Variants in SH2D3C observed in about 807,000 individuals in gnomAD.
SH2D3C encodes SH2 domain containing 3C.
SH2D3C carries 25 observed loss-of-function variants against 75.2 expected under a neutral mutation model. The observed-to-expected ratio is 0.33, with a 90% confidence interval of 0.24 to 0.46. The LOEUF (loss-of-function observed/expected upper bound fraction) is 0.46. SH2D3C is among the 20% of genes least tolerant of loss of function. The pLI is 1.00. For missense variants in SH2D3C, 933 were observed against 1,165.3 expected (o/e 0.80, Z 2.90); for synonymous variants, 450 against 473.7 (o/e 0.95, Z 0.65).
chr9:127,776,354 T>G (rs1431693120), intron 1 of SH2D3C, among the ~76,000 whole-genome samples: 1 of 150,648 alleles, frequency 6.6e-6, no homozygotes, highest in African/African-American at 2.5e-5. Context: ...AGCCAGCCTC[T>G]GTGCACCTGG....
chr9:127,744,688 TG>T lies in SH2D3C; in HGVS notation c.1675del (p.Gln559SerfsTer4). 1 of 1,614,240 alleles carries T rather than the reference TG, an allele frequency of 6.2e-7. No homozygotes were observed. The highest frequency in any genetic ancestry group is 1.3e-5 in the African/African-American group (1 of 75,076). On this transcript the variant is annotated frameshift_variant, in exon 7 of 12. Transcript: ENST00000314830. LOFTEE classifies it high-confidence loss of function. The stretch of plus-strand genomic sequence containing the variant: ...GTTATCCCTGGGGATCAGTAGTGAC[TG>T]GAAGGTGGCCGGGTTGAAGGAAGAA... ...VTSSFNPATF[Q>X]SLLIPRDNRP... is the part of the protein sequence containing the mutation.
intron 6 of SH2D3C, among the ~76,000 whole-genome samples, chr9:127,746,600 C>T (rs1340393585): frequency 4.6e-5 from 7 of 152,164 alleles, no homozygotes; most frequent in African/African-American, 9.6e-5. Flanking sequence ...GTCAGGAGTT[C>T]GAGACCACCC....
intron 1 of SH2D3C, among the ~76,000 whole-genome samples, chr9:127,778,313 T>C (rs1829073400): frequency 6.6e-6 from 1 of 151,180 alleles, no homozygotes; most frequent in Non-Finnish European, 1.5e-5. Flanking sequence ...AAAGATTTAA[T>C]TGTGCCTGGA....
At position 127,740,242 on chromosome 9, in the gene SH2D3C, C is replaced by T. The variant is rs370987071; in HGVS notation, c.2200+16G>A. 3.5e-5 allele frequency: 56 copies of T among 1,599,744 alleles called. No homozygotes were observed. The highest frequency in any genetic ancestry group is 4.6e-5 in the Non-Finnish European group (54 of 1,167,252). On this transcript the variant is annotated intron_variant, in intron 10 of 11. Coordinates refer to ENST00000314830, the MANE Select transcript of SH2D3C (RefSeq NM_170600.3). ...GAGGGCTGCAGCCTGTCCAAGGTCA[C>T]GCAACAAGGAAGTACCTTTGCCCTC...
In SH2D3C at chr9:127,754,031, C is replaced by G. The variant is rs892839380; in HGVS notation, c.556-2731G>C. Among the ~76,000 whole-genome samples, 2 of 152,168 alleles carry G rather than the reference C, an allele frequency of 1.3e-5. No homozygotes were observed. The highest frequency in any genetic ancestry group is 2.9e-5 in the Non-Finnish European group (2 of 68,008). On this transcript the variant is annotated intron_variant, in intron 3 of 11. Coordinates refer to ENST00000314830, the MANE Select transcript of SH2D3C (RefSeq NM_170600.3). The surrounding 1 kb of genome is among the most constrained non-coding windows in gnomAD (Gnocchi z 4.4). ...AGTTTGGGGGGACCAACTTGGTCCT[C>G]CCACACACCTGAGGGTGAGGAATCC...
rs1280220877 is a variant in SH2D3C at position 127,751,581 on chromosome 9, G to A, written c.556-281C>T. 6.6e-6 allele frequency among the ~76,000 whole-genome samples: 1 copy of A among 152,250 alleles called. No homozygotes were observed. The highest frequency in any genetic ancestry group is 1.5e-5 in the Non-Finnish European group (1 of 68,046). On this transcript the variant is annotated intron_variant, in intron 3 of 11. Coordinates refer to ENST00000314830, the MANE Select transcript of SH2D3C (RefSeq NM_170600.3). This position sits in a 1 kb window ranked among gnomAD's most constrained non-coding sequence, Gnocchi z 4.1. ...GCCCTCAAGGCAGTGCCTAGTCTGA[G>A]GAGAGGCAAAAGCAACAGGAGCCTC...
rs1845145793 is a variant in SH2D3C, at chr9:127,749,822, G to T, written c.685-157C>A. The stretch of plus-strand genomic sequence containing the variant: ...CAGAGACATCTGACATCTGAGAGCG[G>T]GGATGCAATGACCCAGGTTCACAGG... On this transcript the variant is annotated intron_variant, in intron 4 of 11. Coordinates refer to ENST00000314830, the MANE Select transcript of SH2D3C (RefSeq NM_170600.3). The surrounding 1 kb of genome is among the most constrained non-coding windows in gnomAD (Gnocchi z 5.9). Among the ~76,000 whole-genome samples, 1 of 152,268 alleles carries T rather than the reference G, an allele frequency of 6.6e-6. No individual in the cohort carries two copies.
At chr9:127,759,042 C>G (rs567686199) in intron 3 of SH2D3C, among the ~76,000 whole-genome samples, 16 of 152,346 alleles carry the variant, frequency 1.1e-4, no homozygotes, top group African/African-American at 3.4e-4. Context: ...CACGGGCTCA[C>G]TGAAGCCATA....
chr9:127,772,307 G>A (rs1164950209), intron 2 of SH2D3C, among the ~76,000 whole-genome samples: 2 of 148,138 alleles, frequency 1.4e-5, no homozygotes, highest in African/African-American at 2.5e-5. Context: ...GCAATGGCGC[G>A]ATCTTGGGTC....
chr9:127,778,575 G>A lies in SH2D3C; in HGVS notation c.37+16C>T, dbSNP rs112016864. The A allele has an allele frequency of 6.2e-6, 10 of 1,601,444 alleles. No homozygotes were observed. Among genetic ancestry groups the A allele is most frequent in the African/African-American group, 1.3e-5 (1 of 74,658 alleles). On this transcript the variant is annotated intron_variant, in intron 1 of 11. Coordinates refer to ENST00000314830, the MANE Select transcript of SH2D3C (RefSeq NM_170600.3). The stretch of plus-strand genomic sequence containing the variant: ...GCCAGGGATGGAGGACAGTGCAGAC[G>A]GCACCCCACACTCACTGAACTTTTT...
In SH2D3C at chr9:127,751,634, G is replaced by C. The variant is rs1028533220; in HGVS notation, c.556-334C>G. On this transcript the variant is annotated intron_variant, in intron 3 of 11. Coordinates refer to ENST00000314830, the MANE Select transcript of SH2D3C (RefSeq NM_170600.3). This position sits in a 1 kb window ranked among gnomAD's most constrained non-coding sequence, Gnocchi z 4.1. ...AGTAGAGTGCGGTCAGCACCACAGC[G>C]CTGGACAGCGGCAAAGAGCCGGGTG... Among the ~76,000 whole-genome samples, 1 of 152,232 alleles carries C rather than the reference G, an allele frequency of 6.6e-6. No homozygotes were observed. Among genetic ancestry groups the C allele is most frequent in the African/African-American group, 2.4e-5 (1 of 41,460 alleles).
chr9:127,762,349 C>G (rs747948563), intron 2 of SH2D3C: 2 of 1,302,588 alleles, frequency 1.5e-6, no homozygotes, highest in South Asian at 2.5e-5. Flanking sequence ...CCTCAGGCAG[C>G]CTGGACCTGC....
At chr9:127,775,191 T>C (rs1384999500) in intron 1 of SH2D3C, among the ~76,000 whole-genome samples, 5 of 152,216 alleles carry the variant, frequency 3.3e-5, no homozygotes, top group African/African-American at 7.2e-5. Flanking sequence ...ATGATGATGA[T>C]GACGATAATA....
chr9:127,747,258 G>A lies in SH2D3C; in HGVS notation c.1153C>T (p.Arg385Cys), dbSNP rs774070559. The A allele has an allele frequency of 5.6e-6, 9 of 1,613,048 alleles. No homozygotes were observed. Among genetic ancestry groups the A allele is most frequent in the South Asian group, 2.2e-5 (2 of 91,044 alleles). The change falls in exon 6 of 12, where the codon CGC (arginine) becomes TGC (cysteine). Residue 385 changes from arginine to cysteine, a missense_variant. By Grantham distance (180) the Arg-to-Cys change is radical. Transcript: ENST00000314830. ...DGCPTSTSLP[R>C]PRDSIRSCAL... is the part of the protein sequence containing the mutation. ...CAGCTGCGGATGGAGTCCCGAGGGC[G>A]GGGCAGCGACGTACTGTGGAGCAGA...
intron 3 of SH2D3C, chr9:127,755,386 C>G (rs1182577578): frequency 3.0e-6 from 1 of 330,292 alleles, no homozygotes; most frequent in Non-Finnish European, 5.2e-6. Context: ...CCGCCCCCCG[C>G]TCCCAGCCCC....
intron 2 of SH2D3C, chr9:127,771,072 T>C: frequency 1.3e-6 from 1 of 749,304 alleles, no homozygotes. Flanking sequence ...CTTAGAAAAG[T>C]CCCTGATGCT....
intron 2 of SH2D3C, among the ~76,000 whole-genome samples, chr9:127,764,618 A>G (rs73608014): frequency 9.7e-4 from 147 of 151,468 alleles, no homozygotes; most frequent in African/African-American, 3.5e-3. Context: ...ACCCCACCTC[A>G]GGGTCTTTGC....
chr9:127,746,820 C>T (rs1468706827), intron 6 of SH2D3C, among the ~76,000 whole-genome samples: 2 of 152,208 alleles, frequency 1.3e-5, no homozygotes, highest in Admixed American at 6.5e-5. Context: ...GGTCTGTAAT[C>T]CCAGCTACTT....
intron 3 of SH2D3C, chr9:127,755,056 CG>C (rs946001730): frequency 1.1e-5 from 13 of 1,150,652 alleles, no homozygotes; most frequent in Admixed American, 4.6e-5. Context: ...GCGCGCGTGG[CG>C]GGGGCCGAGC....
Sources: gnomAD v4.1 joint callset for allele counts (sites outside exome capture counted in the v4.1 genomes callset) on GRCh38, gnomAD v4.1.1 for gene constraint, Gnocchi (gnomAD v3.1) non-coding constraint, MANE v1.5 for transcripts, NCBI Gene and HGNC (gene_info 2026-07-23, HGNC 2026-07-21) for gene names.